Variants in AIG1 observed in about 807,000 individuals in gnomAD.
The protein encoded by AIG1 is androgen induced 1.
Under a neutral mutation model 31.4 loss-of-function variants are expected in AIG1, and 23 were observed. The observed-to-expected ratio is 0.73, with a 90% CI of 0.53 to 1.04. The LOEUF (loss-of-function observed/expected upper bound fraction) is 1.04. Ranked by LOEUF, AIG1 falls within the 50% of genes least tolerant of loss-of-function variation. The pLI is 0.00. For synonymous variants in AIG1, 100 were observed against 110.5 expected, an observed-to-expected ratio of 0.90 and a Z score of 0.60; for missense variants, 274 against 295.0, an observed-to-expected ratio of 0.93 and a Z score of 0.52.
intron 3 of AIG1, among the ~76,000 whole-genome samples, chr6:143,204,193 G>A (rs566495843): frequency 9.7e-4 from 147 of 152,280 alleles, no homozygotes; most frequent in Middle Eastern, 3.4e-3. Context: ...TTATAGCTTA[G>A]GATTGTGTTG....
chr6:143,085,302 C>T (rs1202152768), intron 1 of AIG1, among the ~76,000 whole-genome samples: 2 of 152,168 alleles, frequency 1.3e-5, no homozygotes, highest in Non-Finnish European at 2.9e-5. Flanking sequence ...GAGCATTAGT[C>T]ATAGGTGTCC....
At chr6:143,094,952 T>C (rs1779622621) in intron 1 of AIG1, among the ~76,000 whole-genome samples, 1 of 152,082 alleles carries the variant, frequency 6.6e-6, no homozygotes, top group African/African-American at 2.4e-5. Flanking sequence ...GAGTTGAGAA[T>C]TGAGAAATGA....
intron 1 of AIG1, among the ~76,000 whole-genome samples, chr6:143,095,465 AAAAACCAAAT>A (rs1779674187): frequency 1.3e-5 from 2 of 152,182 alleles, no homozygotes; most frequent in Admixed American, 1.3e-4. Context: ...GCCATGCAAG[AAAAACCAAAT>A]AAAACATACA....
intron 3 of AIG1, among the ~76,000 whole-genome samples, chr6:143,185,434 G>A (rs1789170359): frequency 6.6e-6 from 1 of 152,122 alleles, no homozygotes; most frequent in Non-Finnish European, 1.5e-5. Context: ...TACAGCCCCT[G>A]CACACTGCGC....
intron 1 of AIG1, among the ~76,000 whole-genome samples, chr6:143,065,593 A>G (rs1776622592): frequency 6.6e-6 from 1 of 152,242 alleles, no homozygotes. Context: ...AGGCAAATGT[A>G]TTTTGAGGTC....
rs573956409 is a variant in AIG1 at position 143,210,637 on chromosome 6, G to A, written c.399+45454G>A. Among the ~76,000 whole-genome samples the A allele has an allele frequency of 2.6e-5, 4 of 152,296 alleles. No homozygotes were observed. The South Asian group carries it at 6.2e-4, about 24-fold the overall frequency. ...AAAGGCTGCTTGTATACAGGAAGGA[G>A]ACTAGTGGGGTCAACCACAGAATAC... is the stretch of plus-strand genomic sequence containing the variant. On this transcript the variant is annotated intron_variant, in intron 3 of 5. Transcript: ENST00000357847.
At chr6:143,185,915 C>T (rs1181976767) in intron 3 of AIG1, among the ~76,000 whole-genome samples, 1 of 152,174 alleles carries the variant, frequency 6.6e-6, no homozygotes, top group Non-Finnish European at 1.5e-5. Flanking sequence ...TTTTCTACAT[C>T]CTTCAGTGAG....
upstream of AIG1, chr6:143,060,861 C>T: frequency 8.6e-7 from 1 of 1,159,524 alleles, no homozygotes; most frequent in Non-Finnish European, 1.1e-6. Context: ...CCCGCCCCCG[C>T]GCGCCCGGCG....
chr6:143,328,517 C>G lies in AIG1; in HGVS notation c.516-4765C>G, dbSNP rs1776792663. 6.6e-6 allele frequency among the ~76,000 whole-genome samples: 1 copy of G among 152,218 alleles called. No individual in the cohort carries two copies. Among genetic ancestry groups the G allele is most frequent in the African/African-American group, 2.4e-5 (1 of 41,460 alleles). On this transcript the variant is annotated intron_variant, in intron 4 of 5. Transcript: ENST00000357847. This position sits in a 1 kb window ranked among gnomAD's most constrained non-coding sequence, Gnocchi z 4.0. ...CGCCTACACTTACCCTTTCTTAATTCTGACTACACTTGTAATTCTTAATTA... is the reference window on the plus strand; with the variant it reads ...CGCCTACACTTACCCTTTCTTAATTGTGACTACACTTGTAATTCTTAATTA...
chr6:143,314,184 TAAAAA>T lies in AIG1; in HGVS notation c.516-19076_516-19072del, dbSNP rs35691634. Among the ~76,000 whole-genome samples, 355 of 90,612 alleles carry T rather than the reference TAAAAA, an allele frequency of 3.9e-3. 1 individual carries two copies. The highest frequency in any genetic ancestry group is 6.4e-3 in the Middle Eastern group (1 of 156). 59.4% of individuals were successfully genotyped at this position (90,612 alleles called of 152,430 possible). A position where few individuals can be genotyped will look rare whatever the true frequency, so the allele number is the denominator to read the frequency against. ...GGCAACAAAGCTGGAACCCATCTCT[TAAAAA>T]AAAAAAAAAAAAAAAAAAAAAGTTA... is the stretch of plus-strand genomic sequence containing the variant. On this transcript the variant is annotated intron_variant, in intron 4 of 5. Coordinates refer to ENST00000357847, the MANE Select transcript of AIG1 (RefSeq NM_016108.4).
At position 143,289,800 on chromosome 6, in the gene AIG1, C is replaced by G. The variant is rs1307134008; in HGVS notation, c.515+5575C>G. Among the ~76,000 whole-genome samples, 9 of 152,160 alleles carry G rather than the reference C, an allele frequency of 5.9e-5. No individual in the cohort carries two copies. The East Asian group carries it at 1.7e-3, about 29-fold the overall frequency. On this transcript the variant is annotated intron_variant, in intron 4 of 5. Transcript: ENST00000357847. Reference sequence around the variant, plus strand: ...TAAGAGTGTACTCAAATTTTAAAGTCTTAGAATTTTTAGCCATGAATGAGT... The same window carrying G: ...TAAGAGTGTACTCAAATTTTAAAGTGTTAGAATTTTTAGCCATGAATGAGT...
intron 1 of AIG1, among the ~76,000 whole-genome samples, chr6:143,119,313 G>T (rs1026722754): frequency 1.3e-5 from 2 of 152,186 alleles, no homozygotes; most frequent in Middle Eastern, 3.4e-3. Flanking sequence ...ATTTTTAAAG[G>T]CTCTACAATT....
intron 3 of AIG1, among the ~76,000 whole-genome samples, chr6:143,226,221 C>T (rs111390193): frequency 4.0e-4 from 61 of 150,992 alleles, no homozygotes; most frequent in Non-Finnish European, 1.6e-4. Flanking sequence ...GTTACACATT[C>T]CATTCTTCTT....
chr6:143,150,389 G>GT (rs771711469), intron 2 of AIG1, among the ~76,000 whole-genome samples: 6 of 152,160 alleles, frequency 3.9e-5, no homozygotes, highest in Non-Finnish European at 8.8e-5. Flanking sequence ...GGCAAGTTCT[G>GT]TTATATATTG....
chr6:143,168,462 G>A (rs992615449), intron 3 of AIG1, among the ~76,000 whole-genome samples: 2 of 142,674 alleles, frequency 1.4e-5, no homozygotes, highest in African/African-American at 2.6e-5. Context: ...CTGTGTCCAC[G>A]TGTTCTCATC....
intron 1 of AIG1, among the ~76,000 whole-genome samples, chr6:143,098,244 A>G (rs1421801884): frequency 6.6e-6 from 1 of 152,218 alleles, no homozygotes; most frequent in Non-Finnish European, 1.5e-5. Context: ...CAAGGTCATC[A>G]GTAACCACTG....
chr6:143,341,343 C>G (rs1027704637), downstream of AIG1, among the ~76,000 whole-genome samples: 3 of 152,184 alleles, frequency 2.0e-5, no homozygotes, highest in African/African-American at 7.2e-5. Flanking sequence ...TGTATCTTAC[C>G]TGTCTGACCT....
rs1777115401 is a variant in AIG1 at position 143,331,902 on chromosome 6, C to T, written c.516-1380C>T. Among the ~76,000 whole-genome samples, 7 of 148,884 alleles carry T rather than the reference C, an allele frequency of 4.7e-5. No individual in the cohort carries two copies. Among genetic ancestry groups the T allele is most frequent in the Admixed American group, 4.7e-4 (7 of 14,906 alleles). ...TTATTATTATTTTGAGACCAAGTCT[C>T]ACTTTGTCACCCAGGCTGGAGTGCA... On this transcript the variant is annotated intron_variant, in intron 4 of 5. Coordinates refer to ENST00000357847, the MANE Select transcript of AIG1 (RefSeq NM_016108.4). This position sits in a 1 kb window ranked among gnomAD's most constrained non-coding sequence, Gnocchi z 4.1.
chr6:143,334,155 A>T lies in AIG1; in HGVS notation c.679+710A>T. 1 of 1,515,948 alleles carries T rather than the reference A, an allele frequency of 6.6e-7. No homozygotes were observed. The highest frequency in any genetic ancestry group is 8.9e-7 in the Non-Finnish European group (1 of 1,122,884). 93.9% of individuals were successfully genotyped at this position (1,515,948 alleles called of 1,614,324 possible). A position where few individuals can be genotyped will look rare whatever the true frequency, so the allele number is the denominator to read the frequency against. On this transcript the variant is annotated intron_variant, in intron 5 of 5. Transcript: ENST00000357847. The surrounding 1 kb of genome is among the most constrained non-coding windows in gnomAD (Gnocchi z 5.1). ...CCAAAGTGTATGTACAATAACATAA[A>T]AATTGAAAGGTGGAAAAAGCGCCAG...
Sources: allele counts gnomAD v4.1 joint callset (sites outside exome capture counted in the v4.1 genomes callset), GRCh38; gene constraint gnomAD v4.1.1; non-coding constraint Gnocchi (gnomAD v3.1); transcripts MANE v1.5; gene names NCBI Gene and HGNC (gene_info 2026-07-23, HGNC 2026-07-21).